PARD3B: variants seen among roughly 807,000 people sequenced by gnomAD.
The protein encoded by PARD3B is par-3 family cell polarity regulator beta.
PARD3B carries 103 observed loss-of-function variants against 130.2 expected under a neutral mutation model. The observed-to-expected ratio is 0.79, with a 90% confidence interval of 0.67 to 0.93. The LOEUF (loss-of-function observed/expected upper bound fraction) is 0.93, where lower values mean the gene tolerates loss of function less well. Ranked by LOEUF, PARD3B falls within the 40% of genes least tolerant of loss-of-function variation. The pLI is 0.00. For missense variants in PARD3B, 1,609 were observed against 1,499.2 expected (o/e 1.07, Z -1.21); for synonymous variants, 583 against 553.2 (o/e 1.05, Z -0.76).
intron 2 of PARD3B, among the ~76,000 whole-genome samples, chr2:204,726,636 T>C (rs1310278962): frequency 2.0e-5 from 3 of 152,190 alleles, no homozygotes; most frequent in Non-Finnish European, 4.4e-5. Context: ...TTCAACTTTC[T>C]CAGTTCCTTA....
chr2:205,143,464 C>T (rs1046598486), intron 10 of PARD3B, among the ~76,000 whole-genome samples: 18 of 152,154 alleles, frequency 1.2e-4, no homozygotes, highest in African/African-American at 4.1e-4. Context: ...AAGTCCTGCT[C>T]AACCTACATC....
chr2:204,960,733 C>T (rs1460013712), intron 2 of PARD3B, among the ~76,000 whole-genome samples: 1 of 152,000 alleles, frequency 6.6e-6, no homozygotes, highest in Non-Finnish European at 1.5e-5. Flanking sequence ...GATACACAAT[C>T]AATAACAAAC....
Position 205,191,938 on chromosome 2 carries a change from C to G in PARD3B, c.2025-1267C>G, listed in dbSNP as rs546061911. Among the ~76,000 whole-genome samples, 4 of 152,262 alleles carry G rather than the reference C, an allele frequency of 2.6e-5. No individual in the cohort carries two copies. In the South Asian group the frequency reaches 8.3e-4, roughly 32 times the overall value. On this transcript the variant is annotated intron_variant, in intron 14 of 22. Coordinates refer to ENST00000406610, the MANE Select transcript of PARD3B (RefSeq NM_001302769.2). ...GTGCAATCTTAGCTCACTGCAGCCT[C>G]AAACTCCTAGACTCAAGTGATCCTC... is the stretch of plus-strand genomic sequence containing the variant.
rs2040480291 is a variant in PARD3B, at chr2:205,265,786, C to G, written c.2185+19964C>G. On this transcript the variant is annotated intron_variant, in intron 16 of 22. Transcript: ENST00000406610. The surrounding 1 kb of genome is among the most constrained non-coding windows in gnomAD (Gnocchi z 4.3). ...AGTAAAGTTAAAAGATTATTCAAATCTTTGGAATTTTCAGAGATGAATTTT... is the reference window on the plus strand; with the variant it reads ...AGTAAAGTTAAAAGATTATTCAAATGTTTGGAATTTTCAGAGATGAATTTT... Among the ~76,000 whole-genome samples the G allele has an allele frequency of 6.6e-6, 1 of 151,896 alleles. No individual in the cohort carries two copies. The highest frequency in any genetic ancestry group is 2.1e-4 in the South Asian group (1 of 4,830).
intron 18 of PARD3B, among the ~76,000 whole-genome samples, chr2:205,396,700 A>G (rs1262699580): frequency 1.3e-5 from 2 of 152,226 alleles, no homozygotes; most frequent in African/African-American, 2.4e-5. Flanking sequence ...TTTTATATAA[A>G]GTAAGGTTGA....
chr2:204,828,663 C>G (rs1034596690), intron 2 of PARD3B, among the ~76,000 whole-genome samples: 15 of 152,124 alleles, frequency 9.9e-5, no homozygotes, highest in African/African-American at 3.6e-4. Context: ...TCCAAAATAT[C>G]TTTATATCCT....
chr2:204,636,517 A>G (rs945355961), intron 1 of PARD3B, among the ~76,000 whole-genome samples: 1 of 150,846 alleles, frequency 6.6e-6, no homozygotes, highest in Admixed American at 6.6e-5. Context: ...ATTCTAGAAG[A>G]ACAGGGTCCT....
intron 1 of PARD3B, among the ~76,000 whole-genome samples, chr2:204,579,700 G>A (rs945943613): frequency 1.3e-5 from 2 of 152,152 alleles, no homozygotes; most frequent in Admixed American, 1.3e-4. Flanking sequence ...GGAATCTTTG[G>A]CTTTTCAGAT....
chr2:205,493,616 C>T (rs1006254792), intron 20 of PARD3B, among the ~76,000 whole-genome samples: 2 of 152,046 alleles, frequency 1.3e-5, no homozygotes, highest in African/African-American at 4.8e-5. Context: ...CGCATACATC[C>T]AATTTAAAGG....
chr2:204,650,887 TGA>T (rs36111258), intron 1 of PARD3B, among the ~76,000 whole-genome samples: 54,357 of 147,162 alleles, frequency 0.37, 11,980 homozygotes, highest in African/African-American at 0.64. Flanking sequence ...CATGGGGGAG[TGA>T]GAGAGAGAGA....
intron 20 of PARD3B, among the ~76,000 whole-genome samples, chr2:205,447,489 T>A (rs2047945842): frequency 6.6e-6 from 1 of 152,242 alleles, no homozygotes; most frequent in Admixed American, 6.5e-5. Context: ...GCGATTCCCT[T>A]GCCTCAGCCT....
At position 205,405,564 on chromosome 2, in the gene PARD3B, A is replaced by C. The variant is rs1438161948; in HGVS notation, c.2741+4441A>C. On this transcript the variant is annotated intron_variant, in intron 19 of 22. Transcript: ENST00000406610. The surrounding 1 kb of genome is among the most constrained non-coding windows in gnomAD (Gnocchi z 4.1). ...AGCTATTTGAGAATGGTACCCAAAC[A>C]TTACTGATGAATATCCCATCAATCT... 1.3e-5 allele frequency among the ~76,000 whole-genome samples: 2 copies of C among 152,212 alleles called. No homozygotes were observed. The highest frequency in any genetic ancestry group is 2.9e-5 in the Non-Finnish European group (2 of 68,040).
chr2:204,947,656 C>T (rs1689443515), intron 2 of PARD3B, among the ~76,000 whole-genome samples: 1 of 149,628 alleles, frequency 6.7e-6, no homozygotes, highest in Non-Finnish European at 1.5e-5. Context: ...TGACTTTTTC[C>T]AGGCCTTAGT....
At chr2:205,498,625 T>G (rs575203728) in intron 20 of PARD3B, among the ~76,000 whole-genome samples, 55 of 152,314 alleles carry the variant, frequency 3.6e-4, no homozygotes, top group African/African-American at 1.3e-3. Context: ...ACAAAAGAAG[T>G]TGAGGACCAG....
In PARD3B at chr2:204,967,575, G is replaced by A. The variant is rs1394033040; in HGVS notation, c.394+2252G>A. Among the ~76,000 whole-genome samples, 1 of 152,090 alleles carries A rather than the reference G, an allele frequency of 6.6e-6. No homozygotes were observed. The highest frequency in any genetic ancestry group is 2.4e-5 in the African/African-American group (1 of 41,396). ...CCTCTGAATCAGCAGGAGAAATTTG[G>A]GCAAGGATGAATGACGTAAAAAAAT... On this transcript the variant is annotated intron_variant, in intron 3 of 22. Coordinates refer to ENST00000406610, the MANE Select transcript of PARD3B (RefSeq NM_001302769.2). The surrounding 1 kb of genome is among the most constrained non-coding windows in gnomAD (Gnocchi z 4.4).
At chr2:205,576,419 A>G (rs2053762111) in intron 22 of PARD3B, among the ~76,000 whole-genome samples, 1 of 149,830 alleles carries the variant, frequency 6.7e-6, no homozygotes, top group African/African-American at 2.5e-5. Flanking sequence ...TAGGAGTTTT[A>G]TGGTTTCACA....
In PARD3B at chr2:204,546,033, ATC is replaced by A; in HGVS notation, c.35_36del (p.Ile12SerfsTer51). 6.4e-7 allele frequency: 1 copy of A among 1,567,924 alleles called. No individual in the cohort carries two copies. Among genetic ancestry groups the A allele is most frequent in the African/African-American group, 1.4e-5 (1 of 73,670 alleles). ...GACCGTGTGCTTCGGCAGGACGGGC[ATC>A]GTGGTGCCCTGCAAGGAGGGCCAGC... ...KVTVCFGRTG[I>X]VVPCKEGQLR... On this transcript the variant is annotated frameshift_variant, in exon 1 of 23. Transcript: ENST00000406610. LOFTEE classifies it high-confidence loss of function.
At chr2:205,385,569 G>A (rs1459860977) in intron 18 of PARD3B, among the ~76,000 whole-genome samples, 5 of 152,096 alleles carry the variant, frequency 3.3e-5, no homozygotes, top group Non-Finnish European at 5.9e-5. Flanking sequence ...GAAGCCTAGT[G>A]TGATTCTACT....
intron 15 of PARD3B, among the ~76,000 whole-genome samples, chr2:205,237,918 C>G (rs1365665880): frequency 6.6e-6 from 1 of 152,178 alleles, no homozygotes; most frequent in Non-Finnish European, 1.5e-5. Context: ...TCCTACCCTT[C>G]CTTGCTAGGA....
Sources: allele counts gnomAD v4.1 joint callset (sites outside exome capture counted in the v4.1 genomes callset), GRCh38; gene constraint gnomAD v4.1.1; non-coding constraint Gnocchi (gnomAD v3.1); transcripts MANE v1.5; gene names NCBI Gene and HGNC (gene_info 2026-07-23, HGNC 2026-07-21).